The following EPHA3 variants were observed in gnomAD, a reference collection of about 807,000 sequenced individuals.
EPHA3 encodes EPH receptor A3.
In EPHA3, 42 loss-of-function variants were observed where a neutral mutation model predicts 107.1. The ratio of observed to expected loss-of-function variants is 0.39; its 90% CI spans 0.31 to 0.51. The LOEUF is 0.51. Ranked by LOEUF, EPHA3 falls within the 20% of genes least tolerant of loss-of-function variation. The probability of loss-of-function intolerance (pLI) is 0.78; values close to 1 mark genes in which losing one functional copy is unlikely to be tolerated. For missense variants in EPHA3, 1,183 were observed against 1,211.2 expected, an observed-to-expected ratio of 0.98 and a Z score of 0.35; for synonymous variants, 461 against 424.8, an observed-to-expected ratio of 1.09 and a Z score of -1.05.
At chr3:89,254,871 C>T (rs1386644991) in intron 3 of EPHA3, among the ~76,000 whole-genome samples, 1 of 152,204 alleles carries the variant, frequency 6.6e-6, no homozygotes, top group South Asian at 2.1e-4. Context: ...TAAAGGGCTT[C>T]CTATAGGGAA....
chr3:89,367,201 G>C (rs1449280195), intron 5 of EPHA3, among the ~76,000 whole-genome samples: 1 of 150,658 alleles, frequency 6.6e-6, no homozygotes, highest in Non-Finnish European at 1.5e-5. Context: ...ACATTTTCTT[G>C]TAAACTTGCA....
intron 3 of EPHA3, among the ~76,000 whole-genome samples, chr3:89,326,741 A>G (rs1373771346): frequency 3.3e-5 from 5 of 151,952 alleles, no homozygotes; most frequent in African/African-American, 9.7e-5. Context: ...GATTGAATCC[A>G]TAGATGCAGA....
chr3:89,455,434 T>G (rs1273489262), intron 15 of EPHA3, among the ~76,000 whole-genome samples: 1 of 152,192 alleles, frequency 6.6e-6, no homozygotes, highest in East Asian at 1.9e-4. Flanking sequence ...GAGTCTGTCA[T>G]GAACCTAAGG....
rs57254382 is a variant in EPHA3, at chr3:89,400,636, C to CGTGT, written c.1594+1177_1594+1180dup. ...ATAATTATGTGTGTGTGTGTGTGAGCGTGTGTGTGTGTGTGTGTGTGTGTT... is the reference window on the plus strand; with the variant it reads ...ATAATTATGTGTGTGTGTGTGTGAGCGTGTGTGTGTGTGTGTGTGTGTGTGTGTT... On this transcript the variant is annotated intron_variant, in intron 7 of 16. Coordinates refer to ENST00000336596, the MANE Select transcript of EPHA3 (RefSeq NM_005233.6). Among the ~76,000 whole-genome samples the CGTGT allele has an allele frequency of 4.8e-3, 702 of 145,302 alleles. 2 individuals are homozygous for CGTGT. Among genetic ancestry groups the CGTGT allele is most frequent in the African/African-American group, 6.2e-3 (234 of 37,806 alleles).
intron 3 of EPHA3, among the ~76,000 whole-genome samples, chr3:89,249,346 C>T (rs754314903): frequency 5.9e-5 from 9 of 152,300 alleles, no homozygotes; most frequent in East Asian, 1.9e-4. Flanking sequence ...ACATATTGAA[C>T]GGCGGTGACA....
intron 5 of EPHA3, among the ~76,000 whole-genome samples, chr3:89,392,313 T>C (rs1708760469): frequency 6.6e-6 from 1 of 151,776 alleles, no homozygotes; most frequent in Non-Finnish European, 1.5e-5. Context: ...GTGGCACGCA[T>C]CTGTAATCCC....
intron 5 of EPHA3, among the ~76,000 whole-genome samples, chr3:89,357,134 A>AAAAAT (rs1707979169): frequency 7.0e-6 from 1 of 143,076 alleles, no homozygotes. Flanking sequence ...AAAAAAAAAA[A>AAAAAT]AAGCACAATC....
At chr3:89,297,457 T>C (rs1164173392) in intron 3 of EPHA3, among the ~76,000 whole-genome samples, 1 of 152,124 alleles carries the variant, frequency 6.6e-6, no homozygotes, top group African/African-American at 2.4e-5. Flanking sequence ...CAGACAATAT[T>C]TATCAATTAA....
intron 15 of EPHA3, among the ~76,000 whole-genome samples, 147 bp from the exon 16 acceptor site, chr3:89,472,306 GCTTGAACAGAT>G (rs1354707095): frequency 6.6e-6 from 1 of 152,208 alleles, no homozygotes; most frequent in Non-Finnish European, 1.5e-5. Context: ...CAAGCTGCCA[GCTTGAACAGAT>G]GAAGCTTTCA....
chr3:89,315,770 C>A (rs1262420202), intron 3 of EPHA3, among the ~76,000 whole-genome samples: 1 of 151,812 alleles, frequency 6.6e-6, no homozygotes, highest in Admixed American at 6.6e-5. Flanking sequence ...GCCAGTAAGT[C>A]TAATTGTGAT....
Position 89,239,988 on chromosome 3 carries a change from A to G in EPHA3, c.814+29468A>G, listed in dbSNP as rs1704856499. Among the ~76,000 whole-genome samples the G allele has an allele frequency of 2.0e-5, 3 of 152,178 alleles. No homozygotes were observed. In the South Asian group the frequency reaches 6.2e-4, roughly 31 times the overall value. ...ATTCCAGACCTATTCTAGCCATCTG[A>G]TCCTCTGGAATAGCCAACAGCTGTG... On this transcript the variant is annotated intron_variant, in intron 3 of 16. Coordinates refer to ENST00000336596, the MANE Select transcript of EPHA3 (RefSeq NM_005233.6).
chr3:89,472,665 C>A, intron 16 of EPHA3, 46 bp downstream of exon 16: 2 of 1,349,916 alleles, frequency 1.5e-6, no homozygotes, highest in Non-Finnish European at 2.0e-6. Context: ...TTCTTTTGAA[C>A]TTTCTTGGCT....
intron 15 of EPHA3, among the ~76,000 whole-genome samples, chr3:89,469,295 A>G (rs1001920741): frequency 6.6e-6 from 1 of 152,188 alleles, no homozygotes; most frequent in Admixed American, 6.5e-5. Context: ...CTATTAATCT[A>G]TATTTTCCAC....
At chr3:89,329,689 T>G (rs556020144) in intron 3 of EPHA3, among the ~76,000 whole-genome samples, 4 of 152,230 alleles carry the variant, frequency 2.6e-5, no homozygotes, top group African/African-American at 9.6e-5. Flanking sequence ...ATTAACCATT[T>G]TAAAGAATGT....
chr3:89,393,011 CA>C lies in EPHA3; in HGVS notation c.1307-2824del, dbSNP rs1423936621. On this transcript the variant is annotated intron_variant, in intron 5 of 16. Coordinates refer to ENST00000336596, the MANE Select transcript of EPHA3 (RefSeq NM_005233.6). The stretch of plus-strand genomic sequence containing the variant: ...CATTATTTATCAGGGGAAAGAAAAA[CA>C]ATTCCTATTAATTATTTATTAATAT... Among the ~76,000 whole-genome samples, 4 of 152,024 alleles carry C rather than the reference CA, an allele frequency of 2.6e-5. No individual in the cohort carries two copies. The East Asian group carries it at 7.7e-4, about 29-fold the overall frequency.
chr3:89,311,207 A>T (rs1398452232), intron 3 of EPHA3, among the ~76,000 whole-genome samples: 1 of 152,084 alleles, frequency 6.6e-6, no homozygotes, highest in Non-Finnish European at 1.5e-5. Context: ...AATAAAATGC[A>T]TTTCAGATTA....
chr3:89,130,866 G>C (rs1704194329), intron 2 of EPHA3, among the ~76,000 whole-genome samples: 1 of 152,090 alleles, frequency 6.6e-6, no homozygotes, highest in Non-Finnish European at 1.5e-5. Context: ...TCGATCTCCT[G>C]ACCTCGTGAT....
chr3:89,382,981 T>G (rs1708541773), intron 5 of EPHA3, among the ~76,000 whole-genome samples: 1 of 152,210 alleles, frequency 6.6e-6, no homozygotes, highest in Admixed American at 6.5e-5. Flanking sequence ...CAGAGTAACT[T>G]CATATATTGA....
intron 5 of EPHA3, among the ~76,000 whole-genome samples, chr3:89,377,927 TTAAC>T (rs1708432205): frequency 6.6e-6 from 1 of 152,172 alleles, no homozygotes; most frequent in Non-Finnish European, 1.5e-5. Context: ...TGTAATTAGT[TTAAC>T]TACCCCTTAA....
Sources: gnomAD v4.1 joint callset for allele counts (sites outside exome capture counted in the v4.1 genomes callset) on GRCh38, gnomAD v4.1.1 for gene constraint, MANE v1.5 for transcripts, NCBI Gene and HGNC (gene_info 2026-07-23, HGNC 2026-07-21) for gene names.